Variants in ERBB4 observed in about 807,000 individuals in gnomAD.
ERBB4 encodes erb-b2 receptor tyrosine kinase 4.
In ERBB4, 42 loss-of-function variants were observed where a neutral mutation model predicts 158.0. The observed-to-expected ratio is 0.27, with a 90% CI of 0.21 to 0.34. The LOEUF (loss-of-function observed/expected upper bound fraction) is 0.34, where lower values mean the gene tolerates loss of function less well. Ranked by LOEUF, ERBB4 falls within the 10% of genes least tolerant of loss-of-function variation. The probability of loss-of-function intolerance (pLI) is 1.00; values close to 1 mark genes in which losing one functional copy is unlikely to be tolerated. For synonymous variants in ERBB4, 583 were observed against 558.7 expected (o/e 1.04, Z -0.61); for missense variants, 1,333 against 1,624.1 (o/e 0.82, Z 3.08).
At chr2:211,562,770 T>C (rs1341677545) in intron 19 of ERBB4, among the ~76,000 whole-genome samples, 1 of 81,004 alleles carries the variant, frequency 1.2e-5, no homozygotes, top group Non-Finnish European at 2.2e-5. Context: ...CTACTCCAAC[T>C]TTTTTTTTTT....
intron 1 of ERBB4, among the ~76,000 whole-genome samples, chr2:212,358,389 T>G (rs1280051456): frequency 6.6e-6 from 1 of 151,772 alleles, no homozygotes; most frequent in Non-Finnish European, 1.5e-5. Flanking sequence ...GTATTATGTT[T>G]ACCTAATAAA....
At position 211,525,234 on chromosome 2, in the gene ERBB4, CCCTCTTGCA is replaced by C. The variant is rs2066313493; in HGVS notation, c.2487+36660_2487+36668del. Among the ~76,000 whole-genome samples the C allele has an allele frequency of 1.3e-5, 2 of 152,162 alleles. 1 individual carries two copies. The highest frequency in any genetic ancestry group is 3.9e-4 in the East Asian group (2 of 5,192). Reference sequence around the variant, plus strand: ...GCAGCTAAGGAAGTGCTTGAACCACCCCTCTTGCAACCCCAGACAAAAAAGCTCATGACT... The same window carrying C: ...GCAGCTAAGGAAGTGCTTGAACCACCACCCCAGACAAAAAAGCTCATGACT... On this transcript the variant is annotated intron_variant, in intron 20 of 27. Transcript: ENST00000342788.
At chr2:212,432,327 C>T (rs1285441305) in intron 1 of ERBB4, among the ~76,000 whole-genome samples, 1 of 152,074 alleles carries the variant, frequency 6.6e-6, no homozygotes, top group Non-Finnish European at 1.5e-5. Flanking sequence ...AAAAAACAGT[C>T]AGCAATTTTA....
In ERBB4 at chr2:211,654,579, G is replaced by A. The variant is rs2071138684; in HGVS notation, c.1946+3175C>T. Among the ~76,000 whole-genome samples, 3 of 152,142 alleles carry A rather than the reference G, an allele frequency of 2.0e-5. No individual in the cohort carries two copies. The South Asian group carries it at 6.2e-4, about 31-fold the overall frequency. Reference sequence around the variant, plus strand: ...ACTAACTTCGTGAGGTTTTCAAAGTGATTATTATGCCAACATTTCAACTGG... The same window carrying A: ...ACTAACTTCGTGAGGTTTTCAAAGTAATTATTATGCCAACATTTCAACTGG... On this transcript the variant is annotated intron_variant, in intron 16 of 27. Coordinates refer to ENST00000342788, the MANE Select transcript of ERBB4 (RefSeq NM_005235.3).
intron 2 of ERBB4, among the ~76,000 whole-genome samples, chr2:212,063,118 T>C (rs1318438198): frequency 2.0e-5 from 3 of 152,102 alleles, no homozygotes; most frequent in Non-Finnish European, 1.5e-5. Flanking sequence ...TTTTAAAAAA[T>C]TTAGTTTTGT....
chr2:211,857,463 C>T (rs991489932), intron 3 of ERBB4, among the ~76,000 whole-genome samples: 7 of 152,050 alleles, frequency 4.6e-5, no homozygotes, highest in African/African-American at 7.2e-5. Context: ...ACATTTTAAA[C>T]GGCATTGCCT....
intron 16 of ERBB4, among the ~76,000 whole-genome samples, chr2:211,639,175 A>T (rs1230827177): frequency 6.6e-6 from 1 of 152,160 alleles, no homozygotes; most frequent in East Asian, 1.9e-4. Context: ...CAGTAACTTT[A>T]TTATTGTTTA....
rs193091167 is a variant in ERBB4 at position 211,733,020 on chromosome 2, T to G, written c.623-7826A>C. ...ACAAAAAAAGAGTAGGCCCATATTT[T>G]GGCAGCTACTAATCAGGTTTGACCT... is the stretch of plus-strand genomic sequence containing the variant. On this transcript the variant is annotated intron_variant, in intron 5 of 27. Coordinates refer to ENST00000342788, the MANE Select transcript of ERBB4 (RefSeq NM_005235.3). Among the ~76,000 whole-genome samples, 1,135 of 152,256 alleles carry G rather than the reference T, an allele frequency of 7.5e-3. 4 individuals are homozygous for G. The highest frequency in any genetic ancestry group is 0.012 in the Admixed American group (183 of 15,286).
chr2:212,448,826 T>C (rs1424443448), intron 1 of ERBB4, among the ~76,000 whole-genome samples: 1 of 152,190 alleles, frequency 6.6e-6, no homozygotes, highest in African/African-American at 2.4e-5. Context: ...AATTTGTCTT[T>C]ATTTTAATTG....
At chr2:211,616,708 T>A (rs2069406329) in intron 19 of ERBB4, among the ~76,000 whole-genome samples, 1 of 152,172 alleles carries the variant, frequency 6.6e-6, no homozygotes, top group South Asian at 2.1e-4. Context: ...TGTGATGCTA[T>A]CCTTCTAATG....
At chr2:211,638,866 A>C (rs1030470300) in intron 16 of ERBB4, among the ~76,000 whole-genome samples, 5 of 152,120 alleles carry the variant, frequency 3.3e-5, no homozygotes, top group African/African-American at 1.2e-4. Context: ...ACATTTACAC[A>C]TATCTATGGG....
At position 211,508,216 on chromosome 2, in the gene ERBB4, A is replaced by T. The variant is rs183454732; in HGVS notation, c.2487+53687T>A. Among the ~76,000 whole-genome samples, 18 of 152,258 alleles carry T rather than the reference A, an allele frequency of 1.2e-4. No individual in the cohort carries two copies. The East Asian group carries it at 3.5e-3, about 29-fold the overall frequency. ...ACAGACAACCTACAGAATGGGAGAA[A>T]ATCTTTGCAATCCACCCATCAGACA... is the stretch of plus-strand genomic sequence containing the variant. On this transcript the variant is annotated intron_variant, in intron 20 of 27. Transcript: ENST00000342788.
At chr2:212,216,148 A>T (rs547061141) in intron 1 of ERBB4, among the ~76,000 whole-genome samples, 1 of 151,508 alleles carries the variant, frequency 6.6e-6, no homozygotes, top group South Asian at 2.1e-4. Context: ...GATCTTCGAT[A>T]GATATAGCAA....
intron 1 of ERBB4, among the ~76,000 whole-genome samples, chr2:212,162,956 GTGTCTTTTGGGT>G (rs2081245502): frequency 6.6e-6 from 1 of 151,882 alleles, no homozygotes; most frequent in African/African-American, 2.4e-5. Context: ...ATTTCTTTTT[GTGTCTTTTGGGT>G]AGCATTTGAG....
chr2:212,093,701 G>GTTAT (rs2125498761), intron 2 of ERBB4, among the ~76,000 whole-genome samples: 1 of 152,226 alleles, frequency 6.6e-6, no homozygotes, highest in East Asian at 1.9e-4. Context: ...ACCTTGTGGT[G>GTTAT]TTATAATAAT....
intron 1 of ERBB4, among the ~76,000 whole-genome samples, chr2:212,324,654 A>G (rs1393848428): frequency 2.7e-5 from 4 of 150,376 alleles, no homozygotes; most frequent in African/African-American, 9.7e-5. Flanking sequence ...ACTAAATCTG[A>G]TAATTAGATT....
intron 1 of ERBB4, among the ~76,000 whole-genome samples, chr2:212,169,589 A>T (rs2081452509): frequency 6.6e-6 from 1 of 152,196 alleles, no homozygotes; most frequent in Admixed American, 6.5e-5. Flanking sequence ...ACCATTCAGG[A>T]CATAGATGCA....
chr2:211,557,827 T>C (rs1209164900), intron 20 of ERBB4, among the ~76,000 whole-genome samples: 1 of 152,178 alleles, frequency 6.6e-6, no homozygotes, highest in African/African-American at 2.4e-5. Flanking sequence ...CGTATGTTCA[T>C]TGCAACAGTA....
At chr2:212,383,695 T>C (rs1391280426) in intron 1 of ERBB4, among the ~76,000 whole-genome samples, 1 of 151,592 alleles carries the variant, frequency 6.6e-6, no homozygotes, top group Non-Finnish European at 1.5e-5. Flanking sequence ...AGAACAAAAC[T>C]GAAGAAAGCT....
Sources: allele counts gnomAD v4.1 joint callset (sites outside exome capture counted in the v4.1 genomes callset), GRCh38; gene constraint gnomAD v4.1.1; transcripts MANE v1.5; gene names NCBI Gene and HGNC (gene_info 2026-07-23, HGNC 2026-07-21).